Variants in HOTAIR observed in about 807,000 individuals in gnomAD.
HOTAIR encodes the protein HOX transcript antisense RNA.
chr12:53,966,725 T>G (rs1403914590), intron 3 of HOTAIR: 1 of 152,176 alleles, frequency 6.6e-6, no homozygotes, highest in Non-Finnish European at 1.5e-5. Context: ...AGGCCTGGCG[T>G]GCGGAGAAAC....
chr12:53,970,611 C>G (rs1457314364), intron 1 of HOTAIR, among the ~76,000 whole-genome samples: 1 of 152,228 alleles, frequency 6.6e-6, no homozygotes, highest in East Asian at 1.9e-4. Context: ...ATATTACTTT[C>G]CAGAAGTCTC....
intron 1 of HOTAIR, among the ~76,000 whole-genome samples, chr12:53,971,541 C>A (rs1334059199): frequency 6.6e-6 from 1 of 152,230 alleles, no homozygotes; most frequent in Non-Finnish European, 1.5e-5. Context: ...CAAATCCATT[C>A]TAATTTCTTT....
At chr12:53,972,547 C>T (rs1439753569) in intron 1 of HOTAIR, among the ~76,000 whole-genome samples, 1 of 152,210 alleles carries the variant, frequency 6.6e-6, no homozygotes, top group Non-Finnish European at 1.5e-5. Context: ...TGGGAAACTT[C>T]AGATACTCTT....
intron 1 of HOTAIR, among the ~76,000 whole-genome samples, chr12:53,970,299 C>A (rs1489286454): frequency 6.6e-6 from 1 of 152,210 alleles, no homozygotes; most frequent in East Asian, 1.9e-4. Flanking sequence ...CCAGGGATGG[C>A]TCCTGTACAG....
At chr12:53,965,143 A>G (rs541436140) in intron 5 of HOTAIR, among the ~76,000 whole-genome samples, 4 of 152,326 alleles carry the variant, frequency 2.6e-5, no homozygotes, top group African/African-American at 9.6e-5. Flanking sequence ...ATAAATCCCT[A>G]GTTCTCTAAA....
At chr12:53,964,776 A>T (rs1220917477) in intron 5 of HOTAIR, among the ~76,000 whole-genome samples, 1 of 152,234 alleles carries the variant, frequency 6.6e-6, no homozygotes, top group Non-Finnish European at 1.5e-5. Flanking sequence ...CCTAAGCCCT[A>T]CAAAATGGCT....
chr12:53,973,847 G>T lies in HOTAIR; in HGVS notation n.59+1051C>A. 2 of 1,490,616 alleles carry T rather than the reference G, an allele frequency of 1.3e-6. No individual in the cohort carries two copies. Among genetic ancestry groups the T allele is most frequent in the Non-Finnish European group, 8.9e-7 (1 of 1,125,118 alleles). The allele number at this position is 1,490,616 out of a possible 1,614,324, so 92.3% of individuals were successfully genotyped here. On this transcript the variant is annotated intron_variant and non_coding_transcript_variant, in intron 1 of 6. Transcript: ENST00000424518. The surrounding 1 kb of genome is among the most constrained non-coding windows in gnomAD (Gnocchi z 4.3). Reference sequence around the variant, plus strand: ...AGGCGGGTGCCGAGGCGGAGGCTGAGGAGGAGAACACAAATCCCAGCTCGT... The same window carrying T: ...AGGCGGGTGCCGAGGCGGAGGCTGATGAGGAGAACACAAATCCCAGCTCGT...
chr12:53,964,017 G>T (rs1469709663), exon 7 of HOTAIR: 2 of 152,274 alleles, frequency 1.3e-5, no homozygotes, highest in African/African-American at 4.8e-5. Flanking sequence ...ATTTCTCTGC[G>T]TGGTTCGCTT....
rs1565713308 is a variant in HOTAIR at position 53,971,161 on chromosome 12, G to GGA, written n.60-2407_60-2406dup. The stretch of plus-strand genomic sequence containing the variant: ...TCTATAAAAAGGGCTAGAGGAAAAA[G>GGA]GAAACACAGCAGATTTTTCTTTTCA... On this transcript the variant is annotated intron_variant and non_coding_transcript_variant, in intron 1 of 6. Transcript: ENST00000424518. Among the ~76,000 whole-genome samples, 35 of 152,256 alleles carry GGA rather than the reference G, an allele frequency of 2.3e-4. 1 individual carries two copies. The highest frequency in any genetic ancestry group is 8.2e-4 in the African/African-American group (34 of 41,558).
chr12:53,973,214 C>T lies in HOTAIR; in HGVS notation n.59+1684G>A, dbSNP rs1435459727. 6.6e-7 allele frequency: 1 copy of T among 1,525,596 alleles called. No individual in the cohort carries two copies. Among genetic ancestry groups the T allele is most frequent in the African/African-American group, 1.4e-5 (1 of 72,526 alleles). 94.5% of individuals were successfully genotyped at this position (1,525,596 alleles called of 1,614,324 possible). A position where few individuals can be genotyped will look rare whatever the true frequency, so the allele number is the denominator to read the frequency against. ...CTCGCTAGACCGGGTCCAAAACCTCCATCCGGAGCCGGCAGGAGAGGAGAA... is the reference window on the plus strand; with the variant it reads ...CTCGCTAGACCGGGTCCAAAACCTCTATCCGGAGCCGGCAGGAGAGGAGAA... On this transcript the variant is annotated intron_variant and non_coding_transcript_variant, in intron 1 of 6. Transcript: ENST00000424518. This position sits in a 1 kb window ranked among gnomAD's most constrained non-coding sequence, Gnocchi z 4.3.
rs776956613 is a variant in HOTAIR at position 53,973,764 on chromosome 12, G to A, written n.59+1134C>T. On this transcript the variant is annotated intron_variant and non_coding_transcript_variant, in intron 1 of 6. Coordinates refer to ENST00000424518, the Ensembl canonical transcript of HOTAIR. This position sits in a 1 kb window ranked among gnomAD's most constrained non-coding sequence, Gnocchi z 4.3. ...CGCCGAGCCCCCCTGCTCCGGCAAG[G>A]GCGAGGCCAAGGGGGAGCCCGAGGC... is the stretch of plus-strand genomic sequence containing the variant. 17 of 1,611,842 alleles carry A rather than the reference G, an allele frequency of 1.1e-5. No homozygotes were observed. The Admixed American group carries it at 1.7e-4, about 16-fold the overall frequency.
intron 5 of HOTAIR, among the ~76,000 whole-genome samples, chr12:53,965,138 T>A (rs1373058007): frequency 6.6e-6 from 1 of 152,226 alleles, no homozygotes; most frequent in Non-Finnish European, 1.5e-5. Context: ...TCTCTATAAA[T>A]CCCTAGTTCT....
chr12:53,973,632 C>A lies in HOTAIR; in HGVS notation n.59+1266G>T. 6.2e-7 allele frequency: 1 copy of A among 1,613,818 alleles called. No homozygotes were observed. The highest frequency in any genetic ancestry group is 8.5e-7 in the Non-Finnish European group (1 of 1,180,040). On this transcript the variant is annotated intron_variant and non_coding_transcript_variant, in intron 1 of 6. Transcript: ENST00000424518. This position sits in a 1 kb window ranked among gnomAD's most constrained non-coding sequence, Gnocchi z 4.3. Reference sequence around the variant, plus strand: ...CGGCCACCACCACCCCAGCGCCCCGCACGCAACCCCCGCCGGCTTCTACTC... The same window carrying A: ...CGGCCACCACCACCCCAGCGCCCCGAACGCAACCCCCGCCGGCTTCTACTC...
chr12:53,963,638 G>A (rs577388608), exon 7 of HOTAIR: 2 of 152,278 alleles, frequency 1.3e-5, no homozygotes, highest in Non-Finnish European at 2.9e-5. Context: ...TGAGATAGAG[G>A]TGCTTGGCCA....
chr12:53,971,860 C>T (rs1286970465), intron 1 of HOTAIR, among the ~76,000 whole-genome samples: 1 of 152,248 alleles, frequency 6.6e-6, no homozygotes, highest in African/African-American at 2.4e-5. Context: ...ACTGAGCCTA[C>T]TTCTTGGGCT....
At chr12:53,965,566 G>T (rs1363564444) in intron 5 of HOTAIR, among the ~76,000 whole-genome samples, 1 of 152,214 alleles carries the variant, frequency 6.6e-6, no homozygotes, top group Non-Finnish European at 1.5e-5. Context: ...TTGTGTTGTT[G>T]TTGTTTCCGG....
chr12:53,965,411 A>T (rs1194879356), intron 5 of HOTAIR, among the ~76,000 whole-genome samples: 5 of 152,264 alleles, frequency 3.3e-5, no homozygotes, highest in African/African-American at 1.2e-4. Context: ...GTCATCCCCA[A>T]GTGGGCACTG....
intron 1 of HOTAIR, among the ~76,000 whole-genome samples, chr12:53,972,501 T>C (rs563548759): frequency 3.9e-5 from 6 of 152,318 alleles, no homozygotes; most frequent in African/African-American, 1.2e-4. Flanking sequence ...CCAGACAAAG[T>C]TGGGACACTG....
At chr12:53,968,375 G>A (rs532786188) in intron 2 of HOTAIR, 10 of 152,142 alleles carry the variant, frequency 6.6e-5, no homozygotes, top group South Asian at 2.1e-4. Context: ...GCTAATGCAC[G>A]ATCCATACCC....
Sources: allele counts gnomAD v4.1 joint callset (sites outside exome capture counted in the v4.1 genomes callset), GRCh38; gene constraint gnomAD v4.1.1; non-coding constraint Gnocchi (gnomAD v3.1); transcripts MANE v1.5; gene names NCBI Gene and HGNC (gene_info 2026-07-23, HGNC 2026-07-21).